Variants in KCTD18 observed in about 807,000 individuals in gnomAD.
KCTD18 encodes BTB/POZ domain-containing protein KCTD18.
Under a neutral mutation model 30.4 loss-of-function variants are expected in KCTD18, and 22 were observed. The observed-to-expected ratio is 0.72, with a 90% CI of 0.52 to 1.03. KCTD18 has a LOEUF of 1.03. Among genes scored for constraint, KCTD18 ranks in the 50% least tolerant of loss-of-function variants. The pLI is 0.00. For synonymous variants in KCTD18, 186 were observed against 209.0 expected (o/e 0.89, Z 0.95); for missense variants, 529 against 547.6 (o/e 0.97, Z 0.34).
At chr2:200,505,062 C>A (rs2030113068) in intron 2 of KCTD18, 103 bp from the exon 3 acceptor site, 17 of 849,098 alleles carry the variant, frequency 2.0e-5, no homozygotes, top group Non-Finnish European at 2.9e-5. Flanking sequence ...ATAAATGTTT[C>A]TTTCTCACAT....
intron 2 of KCTD18, 68 bp from the exon 3 acceptor site, chr2:200,505,027 A>G (rs2030111578): frequency 7.9e-7 from 1 of 1,270,978 alleles, no homozygotes; most frequent in South Asian, 1.3e-5. Flanking sequence ...AACAAATCAA[A>G]CTAGGTCTGA....
intron 1 of KCTD18, among the ~76,000 whole-genome samples, 154 bp downstream of exon 1, chr2:200,509,474 C>T (rs1336686964): frequency 6.6e-6 from 1 of 152,154 alleles, no homozygotes; most frequent in African/African-American, 2.4e-5. Context: ...CCCAGGCAGT[C>T]TCTCCTAAGG....
At chr2:200,492,737 A>G (rs1454483633) in intron 6 of KCTD18, among the ~76,000 whole-genome samples, 1 of 152,244 alleles carries the variant, frequency 6.6e-6, no homozygotes, top group Non-Finnish European at 1.5e-5. Flanking sequence ...AACACAGGAA[A>G]ATACCATTTA....
At chr2:200,493,143 A>G (rs752678498) in intron 6 of KCTD18, 29 bp downstream of exon 6, 34 of 1,376,158 alleles carry the variant, frequency 2.5e-5, no homozygotes, top group Non-Finnish European at 3.4e-5. Flanking sequence ...TAAAAAAACA[A>G]AACAAATAAA....
At chr2:200,499,251 A>T (rs530332284) in intron 3 of KCTD18, among the ~76,000 whole-genome samples, 167 bp from the exon 4 acceptor site, 4 of 151,902 alleles carry the variant, frequency 2.6e-5, no homozygotes, top group Non-Finnish European at 4.4e-5. Context: ...TCAAACACAC[A>T]TTTTTTTTAA....
At position 200,493,179 on chromosome 2, in the gene KCTD18, G is replaced by C; in HGVS notation, c.757C>G (p.Arg253Gly). 2 of 1,601,590 alleles carry C rather than the reference G, an allele frequency of 1.2e-6. No individual in the cohort carries two copies. Among genetic ancestry groups the C allele is most frequent in the Non-Finnish European group, 1.7e-6 (2 of 1,168,704 alleles). The change falls in exon 6 of 7, where the codon CGA (arginine) becomes GGA (glycine). Residue 253 changes from arginine to glycine, a missense_variant. Coordinates refer to ENST00000359878, the MANE Select transcript of KCTD18 (RefSeq NM_152387.4). ...LGSLRHMAPI[R>G]KRRLITFNEA... ...CAACACAGCATAGATAACCTCTTTC[G>C]AATTGGAGCCATGTGACGCAGGCTT...
chr2:200,489,447 G>C lies in KCTD18; in HGVS notation c.*653C>G, dbSNP rs1260936058. On this transcript the variant is annotated 3_prime_UTR_variant, in exon 7 of 7. Transcript: ENST00000359878. The stretch of plus-strand genomic sequence containing the variant: ...ATATTATATAATTCTGATCCCAAGA[G>C]ATCTTCTTGTGGTGTTTATAAATAA... 3 of 152,226 alleles carry C rather than the reference G, an allele frequency of 2.0e-5. No individual in the cohort carries two copies. The highest frequency in any genetic ancestry group is 2.9e-5 in the Non-Finnish European group (2 of 68,036). The allele number at this position is 152,226 out of a possible 1,614,324, so 9.4% of individuals were successfully genotyped here.
In KCTD18 at chr2:200,490,463, C is replaced by T. The variant is rs899422813; in HGVS notation, c.918G>A (p.Ser306=). The T allele has an allele frequency of 3.7e-6, 6 of 1,613,454 alleles. No homozygotes were observed. The highest frequency in any genetic ancestry group is 1.7e-5 in the Admixed American group (1 of 59,996). The change falls in exon 7 of 7, where the codon TCG becomes TCA. Residue 306 remains serine (S), a synonymous_variant. Transcript: ENST00000359878. ...GAAACCGGTTTGCTGTCGCCCCAGC[C>T]GACGTCTGGATGGCACTGGCTGGAG... The part of the protein sequence containing the change: ...TVSPASAIQT[S]AGATANRFQS...
chr2:200,490,013 G>C lies in KCTD18; in HGVS notation c.*87C>G, dbSNP rs117421269. On this transcript the variant is annotated 3_prime_UTR_variant, in exon 7 of 7. Transcript: ENST00000359878. ...CAACATAAACCTAAGCTTCCCCTCTGCTGCATTAAGAAAGTGTCACTTCTT... is the reference window on the plus strand; with the variant it reads ...CAACATAAACCTAAGCTTCCCCTCTCCTGCATTAAGAAAGTGTCACTTCTT... The C allele has an allele frequency of 7.1e-4, 963 of 1,354,842 alleles. 8 individuals are homozygous for C. The East Asian group carries it at 0.018, about 25-fold the overall frequency. The allele number at this position is 1,354,842 out of a possible 1,614,324, so 83.9% of individuals were successfully genotyped here. A position where few individuals can be genotyped will look rare whatever the true frequency, so the allele number is the denominator to read the frequency against.
chr2:200,508,506 T>C (rs2030331016), intron 1 of KCTD18, among the ~76,000 whole-genome samples: 1 of 152,196 alleles, frequency 6.6e-6, no homozygotes, highest in South Asian at 2.1e-4. Flanking sequence ...GTACTCCCAA[T>C]TATTGAGAAT....
At chr2:200,508,460 TG>T (rs1293701653) in intron 1 of KCTD18, among the ~76,000 whole-genome samples, 7 of 152,324 alleles carry the variant, frequency 4.6e-5, no homozygotes, top group African/African-American at 1.4e-4. Flanking sequence ...GACACTGTGG[TG>T]TTTTCCCACC....
intron 5 of KCTD18, chr2:200,497,153 A>G (rs917028855): frequency 1.3e-5 from 2 of 152,612 alleles, no homozygotes; most frequent in African/African-American, 4.8e-5. Context: ...CAGAACACGT[A>G]ACCTGTGATC....
At position 200,506,985 on chromosome 2, in the gene KCTD18, A is replaced by C; in HGVS notation, c.32T>G (p.Leu11Arg). 1 of 1,612,872 alleles carries C rather than the reference A, an allele frequency of 6.2e-7. No individual in the cohort carries two copies. The highest frequency in any genetic ancestry group is 8.5e-7 in the Non-Finnish European group (1 of 1,179,158). ...ACCCACGTTCAGTCGGAGAACATCT[A>C]GCACCTCTTCTTCTGCCTTGTGGCC... MEGHKAEEEV[L>R]DVLRLNVGGC... Residue 11 changes from leucine to arginine, a missense_variant, in exon 2 of 7, where the codon CTA becomes CGA. Transcript: ENST00000359878.
At chr2:200,502,884 G>T (rs2029948231) in intron 3 of KCTD18, among the ~76,000 whole-genome samples, 1 of 152,122 alleles carries the variant, frequency 6.6e-6, no homozygotes. Flanking sequence ...TACAAAATTA[G>T]CTGGGCGTGG....
At chr2:200,491,072 C>A (rs779606384) in intron 6 of KCTD18, among the ~76,000 whole-genome samples, 1 of 152,154 alleles carries the variant, frequency 6.6e-6, no homozygotes, top group African/African-American at 2.4e-5. Context: ...CCCCGAAGCT[C>A]ATGTTGAAAT....
At chr2:200,500,082 C>A (rs895087283) in intron 3 of KCTD18, among the ~76,000 whole-genome samples, 1 of 151,620 alleles carries the variant, frequency 6.6e-6, no homozygotes, top group African/African-American at 2.4e-5. Flanking sequence ...ATTCAACAAC[C>A]CTTCCTGCTA....
rs762104341 is a variant in KCTD18, at chr2:200,498,996, C to T, written c.461G>A (p.Ser154Asn). Reference protein sequence around the residue: ...VLHYLNTSGASCESRIIGVYA... With the variant: ...VLHYLNTSGANCESRIIGVYA... ...TACACCAATAATTCTACTCTCACAG[C>T]TTGCACCAGATGTGTTAAGATAGTG... Residue 154 changes from serine to asparagine, a missense_variant, in exon 4 of 7, where the codon AGC becomes AAC. Physicochemically the swap from Ser to Asn is conservative, Grantham distance 46 (BLOSUM62 1). Transcript: ENST00000359878. 1.2e-6 allele frequency: 2 copies of T among 1,614,070 alleles called. No homozygotes were observed. Among genetic ancestry groups the T allele is most frequent in the South Asian group, 1.1e-5 (1 of 91,082 alleles).
At chr2:200,505,734 C>T (rs1235846908) in intron 2 of KCTD18, among the ~76,000 whole-genome samples, 1 of 152,150 alleles carries the variant, frequency 6.6e-6, no homozygotes, top group African/African-American at 2.4e-5. Flanking sequence ...TCACTCCAGG[C>T]ATGCCAGATG....
chr2:200,492,117 C>T (rs1271958524), intron 6 of KCTD18, among the ~76,000 whole-genome samples: 3 of 152,168 alleles, frequency 2.0e-5, no homozygotes. Flanking sequence ...CTCCTGCCTG[C>T]CTGCTATGTT....
Sources: gnomAD v4.1 joint callset for allele counts (sites outside exome capture counted in the v4.1 genomes callset) on GRCh38, gnomAD v4.1.1 for gene constraint, MANE v1.5 for transcripts, NCBI Gene and HGNC (gene_info 2026-07-23, HGNC 2026-07-21) for gene names.